The following GALNT13 variants were observed in gnomAD, a reference collection of about 807,000 sequenced individuals.
GALNT13 encodes the protein UDP-GalNAc:polypeptide N-acetylgalactosaminyltransferase 13.
A neutral mutation model predicts 64.2 loss-of-function variants in GALNT13; 28 were observed. That is an observed-to-expected ratio of 0.44 (90% CI 0.32 to 0.60). The LOEUF (loss-of-function observed/expected upper bound fraction) is 0.60, where lower values mean the gene tolerates loss of function less well. Among genes scored for constraint, GALNT13 ranks in the 20% least tolerant of loss-of-function variants. GALNT13 has a pLI of 0.05. For synonymous variants in GALNT13, 214 were observed against 224.6 expected, an observed-to-expected ratio of 0.95 and a Z score of 0.42; for missense variants, 577 against 669.8, an observed-to-expected ratio of 0.86 and a Z score of 1.53.
the GALNT13 span, among the ~76,000 whole-genome samples, chr2:153,726,585 T>C: frequency 1.3e-5 from 2 of 152,196 alleles, no homozygotes; most frequent in African/African-American, 4.8e-5. Flanking sequence ...GAAATCTCTT[T>C]ATTTTAAAGA....
chr2:153,134,269 CT>C, the GALNT13 span, among the ~76,000 whole-genome samples: 13 of 152,202 alleles, frequency 8.5e-5, no homozygotes, highest in South Asian at 2.3e-3. Flanking sequence ...GAAGTGGCTC[CT>C]TTTTTTCCCC....
chr2:153,196,273 C>A, the GALNT13 span, among the ~76,000 whole-genome samples: 1 of 152,210 alleles, frequency 6.6e-6, no homozygotes, highest in East Asian at 1.9e-4. Flanking sequence ...CCAAGGGGCA[C>A]CTGCAGGCCA....
At chr2:153,214,294 C>T in the GALNT13 span, among the ~76,000 whole-genome samples, 1 of 152,036 alleles carries the variant, frequency 6.6e-6, no homozygotes, top group Admixed American at 6.5e-5. Context: ...AAACATTTGC[C>T]TTGTTAGGAC....
At chr2:153,714,048 T>C in the GALNT13 span, among the ~76,000 whole-genome samples, 1 of 152,276 alleles carries the variant, frequency 6.6e-6, no homozygotes, top group East Asian at 1.9e-4. Context: ...CTGAGGGCAT[T>C]AGATGATACC....
the GALNT13 span, among the ~76,000 whole-genome samples, chr2:153,367,514 A>G: frequency 0.63 from 95,381 of 151,930 alleles, 30,915 homozygotes; most frequent in Non-Finnish European, 0.68. Context: ...TACCCTGGAT[A>G]CTTGTATGAA....
At chr2:153,385,839 C>T in the GALNT13 span, among the ~76,000 whole-genome samples, 1 of 146,878 alleles carries the variant, frequency 6.8e-6, no homozygotes, top group African/African-American at 2.6e-5. Context: ...ATATACACTA[C>T]TATGTACCAC....
At chr2:153,108,771 G>C in the GALNT13 span, among the ~76,000 whole-genome samples, 1 of 152,078 alleles carries the variant, frequency 6.6e-6, no homozygotes, top group East Asian at 1.9e-4. Flanking sequence ...ACCCTAAAAA[G>C]TCAAGTTTTA....
chr2:154,269,926 T>TATATATATATATATATATA (rs1356571076), intron 8 of GALNT13, among the ~76,000 whole-genome samples: 32 of 33,334 alleles, frequency 9.6e-4, no homozygotes, highest in African/African-American at 1.7e-3. Context: ...ATATATATAT[T>TATATATATATATATATATA]TCTAAAGCAC....
At chr2:153,605,496 C>A in the GALNT13 span, among the ~76,000 whole-genome samples, 1 of 152,018 alleles carries the variant, frequency 6.6e-6, no homozygotes, top group South Asian at 2.1e-4. Context: ...TTTGAGAGGC[C>A]ATGGCATATT....
intron 3 of GALNT13, 130 bp from the exon 4 acceptor site, chr2:154,140,207 C>T (rs1683179627): frequency 4.8e-6 from 3 of 625,904 alleles, no homozygotes; most frequent in Non-Finnish European, 8.0e-6. Context: ...TCAGTAAAAT[C>T]TTGATCATTA....
chr2:154,227,763 C>A (rs1156294747), intron 4 of GALNT13, among the ~76,000 whole-genome samples: 1 of 151,946 alleles, frequency 6.6e-6, no homozygotes, highest in Non-Finnish European at 1.5e-5. Context: ...TTCATTCTAG[C>A]TTAACCCATT....
the GALNT13 span, among the ~76,000 whole-genome samples, chr2:153,227,759 G>A: frequency 1.3e-5 from 2 of 152,124 alleles, no homozygotes; most frequent in Non-Finnish European, 2.9e-5. Context: ...GGCTTTGTGA[G>A]GATATCAGCT....
the GALNT13 span, among the ~76,000 whole-genome samples, chr2:153,073,440 A>G: frequency 6.6e-6 from 1 of 152,172 alleles, no homozygotes; most frequent in African/African-American, 2.4e-5. Flanking sequence ...AAAATCGGTG[A>G]ACAGTGTAGA....
chr2:154,440,029 T>C (rs1701205560), intron 12 of GALNT13, among the ~76,000 whole-genome samples: 1 of 152,172 alleles, frequency 6.6e-6, no homozygotes, highest in African/African-American at 2.4e-5. Context: ...AAAATACATG[T>C]AGGTAAATCC....
the GALNT13 span, among the ~76,000 whole-genome samples, chr2:153,449,134 G>C: frequency 6.6e-6 from 1 of 152,148 alleles, no homozygotes; most frequent in Non-Finnish European, 1.5e-5. Flanking sequence ...CTACAAGCCA[G>C]GAACAGAGCC....
the GALNT13 span, among the ~76,000 whole-genome samples, chr2:153,650,565 G>A: frequency 2.0e-5 from 3 of 152,262 alleles, no homozygotes; most frequent in African/African-American, 7.2e-5. Context: ...AGCACTGATG[G>A]TCTTTACAAT....
chr2:153,403,614 A>G, the GALNT13 span, among the ~76,000 whole-genome samples: 3 of 152,190 alleles, frequency 2.0e-5, no homozygotes, highest in African/African-American at 4.8e-5. Flanking sequence ...AGCCAGGTGC[A>G]GGATATAATC....
At chr2:153,827,530 G>C in the GALNT13 span, among the ~76,000 whole-genome samples, 2 of 151,848 alleles carry the variant, frequency 1.3e-5, no homozygotes, top group Non-Finnish European at 2.9e-5. Flanking sequence ...GAGGCTGAGC[G>C]GGGGAGAATG....
At chr2:154,255,050 A>G (rs1431972852) in intron 7 of GALNT13, among the ~76,000 whole-genome samples, 1 of 152,202 alleles carries the variant, frequency 6.6e-6, no homozygotes, top group Non-Finnish European at 1.5e-5. Flanking sequence ...GTCTGACAGC[A>G]AGGAAAAAGG....
Sources: allele counts gnomAD v4.1 joint callset (sites outside exome capture counted in the v4.1 genomes callset), GRCh38; gene constraint gnomAD v4.1.1; transcripts MANE v1.5; gene names NCBI Gene and HGNC (gene_info 2026-07-23, HGNC 2026-07-21).